RO60: variants seen among roughly 807,000 people sequenced by gnomAD.
The protein encoded by RO60 is Ro60, Y RNA binding protein, also known as RNA-binding protein RO60.
A neutral mutation model predicts 55.3 loss-of-function variants in RO60; 20 were observed. The ratio of observed to expected loss-of-function variants is 0.36; its 90% confidence interval spans 0.25 to 0.53. The LOEUF (loss-of-function observed/expected upper bound fraction) is 0.53. Ranked by LOEUF, RO60 falls within the 20% of genes least tolerant of loss-of-function variation. The probability of loss-of-function intolerance (pLI) is 0.92; values close to 1 mark genes in which losing one functional copy is unlikely to be tolerated. For missense variants in RO60, 558 were observed against 646.6 expected (o/e 0.86, Z 1.49); for synonymous variants, 213 against 213.6 (o/e 1.00, Z 0.02).
intron 5 of RO60, among the ~76,000 whole-genome samples, chr1:193,079,199 T>C (rs1674131083): frequency 3.3e-5 from 5 of 151,512 alleles, no homozygotes. Context: ...GTGATTCTTA[T>C]GCCTCAGCCT....
intron 7 of RO60, 95 bp from the exon 8 acceptor site, chr1:193,082,467 G>C: frequency 7.0e-7 from 1 of 1,428,524 alleles, no homozygotes; most frequent in Non-Finnish European, 9.7e-7. Context: ...CTTTGGGAAG[G>C]CTGTATATAT....
chr1:193,073,870 A>C (rs543100868), intron 2 of RO60, among the ~76,000 whole-genome samples: 2 of 145,800 alleles, frequency 1.4e-5, no homozygotes, highest in African/African-American at 2.6e-5. Context: ...TATATCTCCT[A>C]ATGCTATCCC....
chr1:193,080,129 C>A (rs1462068606), intron 5 of RO60, among the ~76,000 whole-genome samples: 1 of 150,942 alleles, frequency 6.6e-6, no homozygotes, highest in Admixed American at 6.6e-5. Context: ...GAAACTCTGT[C>A]TCAAAAAACA....
chr1:193,059,667 T>TGCTGTG lies in RO60; in HGVS notation c.-125_-120dup. The TGCTGTG allele has an allele frequency of 7.3e-7, 1 of 1,373,776 alleles. No individual in the cohort carries two copies. Among genetic ancestry groups the TGCTGTG allele is most frequent in the Non-Finnish European group, 9.7e-7 (1 of 1,028,752 alleles). The allele number at this position is 1,373,776 out of a possible 1,614,324, so 85.1% of individuals were successfully genotyped here. On this transcript the variant is annotated 5_prime_UTR_variant, in exon 1 of 9. Coordinates refer to ENST00000400968, the MANE Select transcript of RO60 (RefSeq NM_001173524.2). This position sits in a 1 kb window ranked among gnomAD's most constrained non-coding sequence, Gnocchi z 4.9. ...CCGGCGGCAGTGGGGCTGTTGCTGT[T>TGCTGTG]GCTGTGGCTGTCGCTGCCCGTCAGG... is the stretch of plus-strand genomic sequence containing the variant.
Position 193,069,524 on chromosome 1 carries a change from A to G in RO60, c.470A>G (p.Asn157Ser), listed in dbSNP as rs1018334799. 6 of 1,614,090 alleles carry G rather than the reference A, an allele frequency of 3.7e-6. No homozygotes were observed. The highest frequency in any genetic ancestry group is 4.5e-5 in the East Asian group (2 of 44,896). ...ALRKAIADWYNEKGGMALALA... is the reference protein window; with the variant it reads ...ALRKAIADWYSEKGGMALALA... ...CGGAAGGCTATAGCGGACTGGTACA[A>G]TGAGAAAGGTGGCATGGCCCTTGCT... is the stretch of plus-strand genomic sequence containing the variant. The change falls in exon 2 of 9, where the codon AAT becomes AGT. Residue 157 changes from asparagine (N) to serine (S), a missense_variant. Transcript: ENST00000400968.
Position 193,087,115 on chromosome 1 carries a change from G to C in RO60, c.*2384G>C, listed in dbSNP as rs1674654463. On this transcript the variant is annotated 3_prime_UTR_variant, in exon 9 of 9. Transcript: ENST00000400968. ...ATTAGGAAATAATGTATATACGATT[G>C]CTTTAGGAGTAGAAAAATAGAATGG... 1 of 152,064 alleles carries C rather than the reference G, an allele frequency of 6.6e-6. No homozygotes were observed. Among genetic ancestry groups the C allele is most frequent in the Admixed American group, 6.6e-5 (1 of 15,262 alleles). The allele number at this position is 152,064 out of a possible 1,614,324, so 9.4% of individuals were successfully genotyped here.
intron 8 of RO60, among the ~76,000 whole-genome samples, chr1:193,084,184 CA>C (rs1674506004): frequency 6.6e-6 from 1 of 152,134 alleles, no homozygotes; most frequent in South Asian, 2.1e-4. Flanking sequence ...AGTCATCAGC[CA>C]AAAGTTGATC....
chr1:193,076,023 CA>C lies in RO60; in HGVS notation c.785del (p.His262ProfsTer2). ...RLVREHLLTN[H>X]LKSKEVWKAL... ...AGTTAGAGAACATCTTTTAACAAAT[CA>C]CTTAAAGTCTAAAGAGGTGAGTGAA... is the stretch of plus-strand genomic sequence containing the variant. On this transcript the variant is annotated frameshift_variant, in exon 3 of 9. Transcript: ENST00000400968. LOFTEE classifies it high-confidence loss of function. The C allele has an allele frequency of 6.2e-7, 1 of 1,605,522 alleles. No homozygotes were observed. The highest frequency in any genetic ancestry group is 8.5e-7 in the Non-Finnish European group (1 of 1,175,974).
Position 193,075,902 on chromosome 1 carries a change from G to T in RO60, c.663G>T (p.Glu221Asp), listed in dbSNP as rs374742998. 1.9e-5 allele frequency: 30 copies of T among 1,613,170 alleles called. No individual in the cohort carries two copies. The highest frequency in any genetic ancestry group is 2.5e-5 in the Non-Finnish European group (29 of 1,179,542). ...ATAAAGAAAAAGCACTCTCTGTGGA[G>T]ACTGAAAAATTATTAAAGTATCTGG... ...ELYKEKALSV[E>D]TEKLLKYLEA... Residue 221 changes from glutamate to aspartate, a missense_variant, in exon 3 of 9, where the codon GAG becomes GAT. Glu to Asp is a conservative substitution (Grantham distance 45). Transcript: ENST00000400968.
chr1:193,077,852 T>C (rs1674033711), intron 5 of RO60, among the ~76,000 whole-genome samples: 1 of 152,204 alleles, frequency 6.6e-6, no homozygotes, highest in Non-Finnish European at 1.5e-5. Context: ...TATCACTAAC[T>C]TTAGAAATTT....
intron 1 of RO60, among the ~76,000 whole-genome samples, chr1:193,060,777 C>G (rs1672569722): frequency 6.6e-6 from 1 of 152,164 alleles, no homozygotes; most frequent in African/African-American, 2.4e-5. Context: ...TCCGGAAACT[C>G]TGCCCTCAAC....
Position 193,084,715 on chromosome 1 carries a change from C to T in RO60, c.1601C>T (p.Thr534Ile), listed in dbSNP as rs1012818039. 12 of 1,612,680 alleles carry T rather than the reference C, an allele frequency of 7.4e-6. No individual in the cohort carries two copies. Among genetic ancestry groups the T allele is most frequent in the Non-Finnish European group, 1.0e-5 (12 of 1,179,580 alleles). Reference protein sequence around the residue: ...TGALDVIRNFTLDMI With the variant: ...TGALDVIRNFILDMI ...GCTCTGGATGTAATTCGAAATTTCA[C>T]ATTAGATATGATTTAACCATAAGCA... The change falls in exon 9 of 9, where the codon ACA (threonine) becomes ATA (isoleucine). Residue 534 changes from threonine (T) to isoleucine (I), a missense_variant. By Grantham distance (89) the Thr-to-Ile change is moderately conservative. Coordinates refer to ENST00000400968, the MANE Select transcript of RO60 (RefSeq NM_001173524.2).
chr1:193,067,488 A>AT (rs74264617), intron 1 of RO60, among the ~76,000 whole-genome samples: 24 of 146,764 alleles, frequency 1.6e-4, no homozygotes, highest in Middle Eastern at 3.5e-3. Flanking sequence ...CCCGGCCCAA[A>AT]TTTTTTTTTT....
At chr1:193,066,972 G>A (rs1236911777) in intron 1 of RO60, among the ~76,000 whole-genome samples, 1 of 151,734 alleles carries the variant, frequency 6.6e-6, no homozygotes, top group Non-Finnish European at 1.5e-5. Context: ...ATACTTCCTT[G>A]CTCACTCACT....
chr1:193,072,434 CTT>C (rs772802885), intron 2 of RO60, among the ~76,000 whole-genome samples: 14 of 137,832 alleles, frequency 1.0e-4, no homozygotes, highest in Admixed American at 2.9e-4. Flanking sequence ...TTTTCTTTGT[CTT>C]TTTTTTTTTT....
At chr1:193,072,541 G>C (rs1259043942) in intron 2 of RO60, among the ~76,000 whole-genome samples, 3 of 151,656 alleles carry the variant, frequency 2.0e-5, no homozygotes, top group Admixed American at 2.0e-4. Context: ...GTTAGGATTA[G>C]AAGGGCCTTT....
chr1:193,076,715 G>A (rs2103056168), intron 4 of RO60, 68 bp downstream of exon 4: 1 of 1,459,626 alleles, frequency 6.9e-7, no homozygotes. Context: ...TTTTAGAAAT[G>A]CCGTCAGTGC....
chr1:193,079,124 G>A (rs927857499), intron 5 of RO60, among the ~76,000 whole-genome samples: 1 of 122,738 alleles, frequency 8.1e-6, no homozygotes, highest in African/African-American at 3.0e-5. Context: ...GTCTCACTGT[G>A]CCACCCAGTT....
intron 2 of RO60, among the ~76,000 whole-genome samples, chr1:193,072,969 A>G (rs1673626225): frequency 1.3e-5 from 2 of 152,224 alleles, no homozygotes; most frequent in South Asian, 4.1e-4. Context: ...AGCATTTCAA[A>G]GCTTAAAAAT....
Sources: allele counts gnomAD v4.1 joint callset (sites outside exome capture counted in the v4.1 genomes callset), GRCh38; gene constraint gnomAD v4.1.1; non-coding constraint Gnocchi (gnomAD v3.1); transcripts MANE v1.5; gene names NCBI Gene and HGNC (gene_info 2026-07-23, HGNC 2026-07-21).